Variants in TNIP1 observed in about 807,000 individuals in gnomAD.
TNIP1 encodes the protein TNFAIP3-interacting protein 1.
Under a neutral mutation model 86.6 loss-of-function variants are expected in TNIP1, and 22 were observed. The ratio of observed to expected loss-of-function variants is 0.25; its 90% CI spans 0.18 to 0.36. The LOEUF (loss-of-function observed/expected upper bound fraction) is 0.36, where lower values mean the gene tolerates loss of function less well. Among genes scored for constraint, TNIP1 ranks in the 10% least tolerant of loss-of-function variants. The pLI is 1.00. For missense variants in TNIP1, 709 were observed against 820.6 expected, an observed-to-expected ratio of 0.86 and a Z score of 1.66; for synonymous variants, 294 against 313.0, an observed-to-expected ratio of 0.94 and a Z score of 0.64.
upstream of TNIP1, chr5:151,087,490 C>T (rs997703383): frequency 1.1e-4 from 17 of 152,262 alleles, no homozygotes; most frequent in African/African-American, 4.1e-4. Flanking sequence ...CTGAAGACCT[C>T]CATTTCCTCC....
At chr5:151,038,853 G>T (rs575276945) in intron 12 of TNIP1, among the ~76,000 whole-genome samples, 1 of 152,176 alleles carries the variant, frequency 6.6e-6, no homozygotes, top group Admixed American at 6.5e-5. Context: ...TGACAAGCAG[G>T]GTGGGCAGGT....
chr5:151,060,964 A>T (rs1382428754), intron 4 of TNIP1, among the ~76,000 whole-genome samples: 1 of 152,248 alleles, frequency 6.6e-6, no homozygotes, highest in Non-Finnish European at 1.5e-5. Flanking sequence ...GGCCTTCCCA[A>T]GCCAGTCCTG....
chr5:151,030,753 T>A lies in TNIP1; in HGVS notation c.1877-6A>T. On this transcript the variant is annotated splice_region_variant and splice_polypyrimidine_tract_variant and intron_variant, in intron 17 of 17. Coordinates refer to ENST00000521591, the MANE Select transcript of TNIP1 (RefSeq NM_006058.5). ...ACGGTCATTTTTTGGAGACTCTAAATAAACAAAAATTTTGAGGACTTCATG... is the reference window on the plus strand; with the variant it reads ...ACGGTCATTTTTTGGAGACTCTAAAAAAACAAAAATTTTGAGGACTTCATG... The A allele has an allele frequency of 6.2e-7, 1 of 1,602,008 alleles. No homozygotes were observed. The highest frequency in any genetic ancestry group is 2.2e-5 in the East Asian group (1 of 44,792).
rs775220213 is a variant in TNIP1 at position 151,045,920 on chromosome 5, C to A, written c.877G>T (p.Val293Leu). 1.2e-6 allele frequency: 2 copies of A among 1,614,166 alleles called. No homozygotes were observed. Among genetic ancestry groups the A allele is most frequent in the South Asian group, 1.1e-5 (1 of 91,086 alleles). Residue 293 changes from valine (V) to leucine (L), a missense_variant, in exon 9 of 18, where the codon GTG (valine) becomes TTG (leucine). Transcript: ENST00000521591. ...ASVTAGKVPE[V>L]VALGAAEKKV... The stretch of plus-strand genomic sequence containing the variant: ...TTCTCGGCTGCGCCCAAGGCCACCA[C>A]CTCTGGGACCTTACCTGCCGTCACA...
intron 11 of TNIP1, among the ~76,000 whole-genome samples, chr5:151,041,220 G>A (rs1485690625): frequency 6.6e-6 from 1 of 151,922 alleles, no homozygotes; most frequent in South Asian, 2.1e-4. Flanking sequence ...ACAGACATGC[G>A]CCACCACTCC....
intron 6 of TNIP1, among the ~76,000 whole-genome samples, chr5:151,056,530 C>T (rs1335553306): frequency 6.6e-6 from 1 of 152,190 alleles, no homozygotes; most frequent in Non-Finnish European, 1.5e-5. Context: ...GGGGTATCCC[C>T]AACCATGACA....
intron 5 of TNIP1, among the ~76,000 whole-genome samples, chr5:151,059,391 G>C (rs565836570): frequency 1.3e-5 from 2 of 152,188 alleles, no homozygotes; most frequent in African/African-American, 4.8e-5. Context: ...AACACTGAAG[G>C]CATGCTAGTT....
upstream of TNIP1, chr5:151,087,552 A>C (rs1032608868): frequency 4.6e-5 from 7 of 152,238 alleles, no homozygotes; most frequent in Non-Finnish European, 1.0e-4. Flanking sequence ...AAACTGCCAG[A>C]TGCCCAGCCC....
chr5:151,064,202 G>T (rs976030618), intron 2 of TNIP1, among the ~76,000 whole-genome samples: 1 of 152,196 alleles, frequency 6.6e-6, no homozygotes, highest in South Asian at 2.1e-4. Context: ...CCTACAAGTG[G>T]AGATGGGGAA....
chr5:151,077,691 G>C (rs996312806), intron 1 of TNIP1, among the ~76,000 whole-genome samples: 1 of 152,200 alleles, frequency 6.6e-6, no homozygotes, highest in Admixed American at 6.5e-5. Context: ...CCATCCACTG[G>C]ATCGGATGCT....
chr5:151,050,936 C>T (rs1163169530), intron 7 of TNIP1, among the ~76,000 whole-genome samples: 1 of 152,182 alleles, frequency 6.6e-6, no homozygotes, highest in East Asian at 1.9e-4. Flanking sequence ...CTTAACGTCC[C>T]AAAGTGCTGG....
In TNIP1 at chr5:151,045,754, A is replaced by T. The variant is rs1480880601; in HGVS notation, c.936+107T>A. ...TCAGTGGTCACCATGCCAACTCCTCATGGTGACCTGGGACCTGCCAGAGCC... is the reference window on the plus strand; with the variant it reads ...TCAGTGGTCACCATGCCAACTCCTCTTGGTGACCTGGGACCTGCCAGAGCC... On this transcript the variant is annotated intron_variant, in intron 9 of 17. Coordinates refer to ENST00000521591, the MANE Select transcript of TNIP1 (RefSeq NM_006058.5). 3 of 1,121,704 alleles carry T rather than the reference A, an allele frequency of 2.7e-6. No individual in the cohort carries two copies. The East Asian group carries it at 7.1e-5, about 26-fold the overall frequency. 69.5% of individuals were successfully genotyped at this position (1,121,704 alleles called of 1,614,324 possible). A position where few individuals can be genotyped will look rare whatever the true frequency, so the allele number is the denominator to read the frequency against.
chr5:151,042,534 A>T lies in TNIP1; in HGVS notation c.1134+6T>A, dbSNP rs368967458. On this transcript the variant is annotated splice_donor_region_variant and intron_variant, in intron 11 of 17. Transcript: ENST00000521591. ...TGACTCTGCAGGGACCAGCAGTCAC[A>T]CTTGCCTCCTCCATTTCAATCTTGG... 1.6e-5 allele frequency: 25 copies of T among 1,611,738 alleles called. No homozygotes were observed. The highest frequency in any genetic ancestry group is 1.9e-5 in the Non-Finnish European group (23 of 1,179,910).
intron 5 of TNIP1, among the ~76,000 whole-genome samples, chr5:151,059,818 A>AGTGTGTGTGTGT (rs1561512723): frequency 3.9e-5 from 4 of 102,978 alleles, no homozygotes; most frequent in African/African-American, 2.0e-4. Context: ...AGAGAGAGAG[A>AGTGTGTGTGTGT]GAGAGAGAGA....
intron 7 of TNIP1, among the ~76,000 whole-genome samples, chr5:151,051,776 T>TC (rs1759957144): frequency 2.6e-5 from 4 of 152,094 alleles, no homozygotes; most frequent in Non-Finnish European, 5.9e-5. Flanking sequence ...AGCCCCCTAG[T>TC]CCAGTGGGGG....
rs1762072844 is a variant in TNIP1, at chr5:151,065,107, A to G, written c.-12T>C. ...CCTCTCCCTTCCATGAGGGTAGCTC[A>G]GCCCCTGCCGTGGTGCCCGCCTGGC... On this transcript the variant is annotated 5_prime_UTR_variant, in exon 2 of 18. Coordinates refer to ENST00000521591, the MANE Select transcript of TNIP1 (RefSeq NM_006058.5). 3 of 1,610,740 alleles carry G rather than the reference A, an allele frequency of 1.9e-6. No individual in the cohort carries two copies. The African/African-American group carries it at 4.0e-5, about 22-fold the overall frequency.
upstream of TNIP1, among the ~76,000 whole-genome samples, chr5:151,083,773 A>G (rs967705514): frequency 6.6e-6 from 1 of 152,226 alleles, no homozygotes; most frequent in Admixed American, 6.5e-5. Flanking sequence ...TGAAGGTAAT[A>G]AAAAACATAT....
rs2233289 is a variant in TNIP1 at position 151,056,956 on chromosome 5, G to T, written c.437C>A (p.Ala146Glu). 1.3e-6 allele frequency: 2 copies of T among 1,500,488 alleles called. No homozygotes were observed. Among genetic ancestry groups the T allele is most frequent in the Middle Eastern group, 1.8e-4 (1 of 5,666 alleles). 92.9% of individuals were successfully genotyped at this position (1,500,488 alleles called of 1,614,324 possible). A position where few individuals can be genotyped will look rare whatever the true frequency, so the allele number is the denominator to read the frequency against. ...GTCCTCACGGGGCAGGGGGCCCAGC[G>T]CCTGGAGAGGGAAAGGGCACACGGC... ...PESSSHANAM[A>E]LGPLPREDGN... is the part of the protein sequence containing the mutation. The change falls in exon 6 of 18, where the codon GCG (alanine) becomes GAG (glutamate). Residue 146 changes from alanine to glutamate, a missense_variant and splice_region_variant. Coordinates refer to ENST00000521591, the MANE Select transcript of TNIP1 (RefSeq NM_006058.5).
At position 151,042,688 on chromosome 5, in the gene TNIP1, A is replaced by G; in HGVS notation, c.1003-17T>C. ...CTCAGTGATCTGGGTTCAGAGGCAG[A>G]GAGGAGTGTGTGAGGCAAGGATGTA... On this transcript the variant is annotated splice_polypyrimidine_tract_variant and intron_variant, in intron 10 of 17. Coordinates refer to ENST00000521591, the MANE Select transcript of TNIP1 (RefSeq NM_006058.5). The G allele has an allele frequency of 6.2e-7, 1 of 1,613,648 alleles. No homozygotes were observed. Among genetic ancestry groups the G allele is most frequent in the Non-Finnish European group, 8.5e-7 (1 of 1,179,966 alleles).
Sources: allele counts gnomAD v4.1 joint callset (sites outside exome capture counted in the v4.1 genomes callset), GRCh38; gene constraint gnomAD v4.1.1; transcripts MANE v1.5; gene names NCBI Gene and HGNC (gene_info 2026-07-23, HGNC 2026-07-21).